The following PLB1 variants were observed in gnomAD, a reference collection of about 807,000 sequenced individuals.
PLB1 encodes phospholipase B1, also known as phospholipase B1, membrane-associated.
PLB1 carries 242 observed loss-of-function variants against 227.4 expected under a neutral mutation model. The observed-to-expected ratio is 1.06, with a 90% confidence interval of 0.96 to 1.18. PLB1 has a LOEUF of 1.18. Among genes scored for constraint, PLB1 ranks in the 50% most tolerant of loss-of-function variants. PLB1 has a pLI of 0.00. For missense variants in PLB1, 1,858 were observed against 1,816.3 expected, an observed-to-expected ratio of 1.02 and a Z score of -0.42; for synonymous variants, 757 against 682.2, an observed-to-expected ratio of 1.11 and a Z score of -1.71.
rs528115870 is a variant in PLB1 at position 28,568,857 on chromosome 2, C to T, written c.1324+2018C>T. Among the ~76,000 whole-genome samples the T allele has an allele frequency of 2.6e-5, 4 of 152,240 alleles. No individual in the cohort carries two copies. The South Asian group carries it at 8.3e-4, about 32-fold the overall frequency. ...ACTGCCTGCACCAGCAAGTCGTTGC[C>T]CTATCCAATGTGTGGTTCCTCCCTA... is the stretch of plus-strand genomic sequence containing the variant. On this transcript the variant is annotated intron_variant, in intron 20 of 57. Coordinates refer to ENST00000327757, the MANE Select transcript of PLB1 (RefSeq NM_153021.5).
chr2:28,634,727 G>T (rs1030980193), intron 56 of PLB1, among the ~76,000 whole-genome samples: 3 of 150,474 alleles, frequency 2.0e-5, no homozygotes, highest in Admixed American at 6.6e-5. Context: ...GGGCAACACA[G>T]GGGAGATTCT....
At chr2:28,513,450 T>G (rs1407511450) in intron 1 of PLB1, among the ~76,000 whole-genome samples, 2 of 152,256 alleles carry the variant, frequency 1.3e-5, no homozygotes, top group African/African-American at 2.4e-5. Flanking sequence ...CCAAACTCAG[T>G]GTTTTCCCCC....
chr2:28,581,911 T>C (rs903767946), intron 23 of PLB1, among the ~76,000 whole-genome samples, 157 bp from the exon 24 acceptor site: 7 of 150,720 alleles, frequency 4.6e-5, no homozygotes, highest in East Asian at 3.9e-4. Context: ...CAGTGAGCCA[T>C]GATCACACCA....
Position 28,518,552 on chromosome 2 carries a change from G to A in PLB1, c.184+20G>A. ...AATCAGGTATGTAACCCTTGGCCAT[G>A]AGCAGGAAAAGCCTGGCGTTTTCTC... On this transcript the variant is annotated intron_variant, in intron 3 of 57. Coordinates refer to ENST00000327757, the MANE Select transcript of PLB1 (RefSeq NM_153021.5). 1 of 1,594,604 alleles carries A rather than the reference G, an allele frequency of 6.3e-7. No homozygotes were observed. Among genetic ancestry groups the A allele is most frequent in the Non-Finnish European group, 8.6e-7 (1 of 1,162,414 alleles).
rs571262413 is a variant in PLB1, at chr2:28,531,158, A to C, written c.469-950A>C. Among the ~76,000 whole-genome samples, 3 of 152,356 alleles carry C rather than the reference A, an allele frequency of 2.0e-5. No homozygotes were observed. The East Asian group carries it at 5.8e-4, about 29-fold the overall frequency. On this transcript the variant is annotated intron_variant, in intron 8 of 57. Transcript: ENST00000327757. ...AGAAAACACAGATAAGCAAAAAGTA[A>C]AACCATCCTTAATCCTAATAACCCA...
chr2:28,575,306 A>C (rs574601603), intron 21 of PLB1, among the ~76,000 whole-genome samples: 2 of 152,192 alleles, frequency 1.3e-5, no homozygotes, highest in South Asian at 4.1e-4. Context: ...CTGGTTGTAT[A>C]TCTTCTTTTT....
chr2:28,584,466 C>T (rs1243493017), intron 25 of PLB1, among the ~76,000 whole-genome samples: 1 of 152,200 alleles, frequency 6.6e-6, no homozygotes, highest in Non-Finnish European at 1.5e-5. Context: ...CTGGGCCACA[C>T]AGGGGATCGG....
chr2:28,589,607 G>A, intron 27 of PLB1, 53 bp downstream of exon 27: 2 of 1,603,920 alleles, frequency 1.2e-6, no homozygotes, highest in Non-Finnish European at 1.7e-6. Context: ...GTGTGTGGCT[G>A]TTTCTGAGTG....
chr2:28,570,346 G>A (rs1677796551), intron 20 of PLB1, among the ~76,000 whole-genome samples: 2 of 152,068 alleles, frequency 1.3e-5, no homozygotes, highest in Non-Finnish European at 2.9e-5. Context: ...AATTAGCCCA[G>A]GAATACAAGG....
rs1676591526 is a variant in PLB1, at chr2:28,564,679, C to CT, written c.1207-600dup. Among the ~76,000 whole-genome samples the CT allele has an allele frequency of 2.0e-5, 3 of 152,286 alleles. No individual in the cohort carries two copies. In the South Asian group the frequency reaches 6.2e-4, roughly 32 times the overall value. On this transcript the variant is annotated intron_variant, in intron 18 of 57. Transcript: ENST00000327757. ...GGGCACCAGAGAGCAGGGATCACAC[C>CT]TGGGGGGCCTCTCATGGAGGCCAGC... is the stretch of plus-strand genomic sequence containing the variant.
chr2:28,602,361 C>G (rs948709640), intron 38 of PLB1, among the ~76,000 whole-genome samples: 17 of 152,340 alleles, frequency 1.1e-4, no homozygotes, highest in African/African-American at 4.1e-4. Flanking sequence ...CACATTCCCC[C>G]TCCACCACCA....
chr2:28,532,510 A>G (rs1276908650), intron 9 of PLB1, among the ~76,000 whole-genome samples: 1 of 152,248 alleles, frequency 6.6e-6, no homozygotes, highest in African/African-American at 2.4e-5. Flanking sequence ...GTGACATTAG[A>G]TAATTCATAA....
At chr2:28,585,624 C>T (rs1303838638) in intron 25 of PLB1, 137 bp from the exon 26 acceptor site, 7 of 728,438 alleles carry the variant, frequency 9.6e-6, no homozygotes, top group Non-Finnish European at 1.6e-5. Context: ...GGTCAGCCAG[C>T]CAGGCTCCTC....
rs1176127803 is a variant in PLB1 at position 28,591,128 on chromosome 2, CA to C, written c.2089-4del. The C allele has an allele frequency of 2.5e-6, 4 of 1,614,158 alleles. No homozygotes were observed. The highest frequency in any genetic ancestry group is 3.4e-6 in the Non-Finnish European group (4 of 1,180,018). On this transcript the variant is annotated splice_region_variant and splice_polypyrimidine_tract_variant and intron_variant, in intron 29 of 57. Coordinates refer to ENST00000327757, the MANE Select transcript of PLB1 (RefSeq NM_153021.5). ...CTGCCATTGCTCACCCCCCTCTCCT[CA>C]CAGGTCCAGCCGTTTCTGAGGACCT...
intron 23 of PLB1, among the ~76,000 whole-genome samples, chr2:28,579,991 A>G (rs1679650932): frequency 6.6e-6 from 1 of 152,232 alleles, no homozygotes; most frequent in African/African-American, 2.4e-5. Context: ...AATGACTAGA[A>G]AAATCTTTCC....
At chr2:28,508,914 C>G (rs780085073) in intron 1 of PLB1, among the ~76,000 whole-genome samples, 3 of 152,228 alleles carry the variant, frequency 2.0e-5, no homozygotes, top group Non-Finnish European at 2.9e-5. Flanking sequence ...CCTTGAAAGT[C>G]CTCCCTGATG....
chr2:28,621,027 T>G, intron 49 of PLB1, 49 bp downstream of exon 49: 1 of 1,497,164 alleles, frequency 6.7e-7, no homozygotes, highest in Non-Finnish European at 9.2e-7. Context: ...GACTGAGACA[T>G]CAGGGTGGGA....
chr2:28,614,870 C>A (rs937576477), intron 44 of PLB1, among the ~76,000 whole-genome samples: 17 of 152,232 alleles, frequency 1.1e-4, no homozygotes, highest in African/African-American at 3.6e-4. Flanking sequence ...ATGTGCCAGA[C>A]ACTATTCCAG....
chr2:28,566,566 A>C, intron 19 of PLB1: 1 of 519,612 alleles, frequency 1.9e-6, no homozygotes, highest in Non-Finnish European at 3.5e-6. Context: ...ATCAGCGAAA[A>C]TCAGCCGCTG....
Sources: allele counts gnomAD v4.1 joint callset (sites outside exome capture counted in the v4.1 genomes callset), GRCh38; gene constraint gnomAD v4.1.1; transcripts MANE v1.5; gene names NCBI Gene and HGNC (gene_info 2026-07-23, HGNC 2026-07-21).